TUT4: variants seen among roughly 807,000 people sequenced by gnomAD.
TUT4 encodes terminal uridylyl transferase 4, also known as terminal uridylyltransferase 4.
Under a neutral mutation model 192.2 loss-of-function variants are expected in TUT4, and 36 were observed. The observed-to-expected ratio is 0.19, with a 90% CI of 0.14 to 0.25. The LOEUF (loss-of-function observed/expected upper bound fraction) is 0.25, where lower values mean the gene tolerates loss of function less well. TUT4 is among the 10% of genes least tolerant of loss of function. TUT4 has a pLI of 1.00. For missense variants in TUT4, 1,493 were observed against 1,957.2 expected (o/e 0.76, Z 4.47); for synonymous variants, 618 against 666.0 (o/e 0.93, Z 1.11).
chr1:52,544,494 G>T (rs776261727), intron 1 of TUT4, among the ~76,000 whole-genome samples: 18 of 152,126 alleles, frequency 1.2e-4, no homozygotes, highest in Admixed American at 9.8e-4. Context: ...ATCTGCAAAA[G>T]ATTGAATTTT....
intron 12 of TUT4, 59 bp from the exon 13 acceptor site, chr1:52,475,594 C>T: frequency 7.0e-7 from 1 of 1,432,444 alleles, no homozygotes; most frequent in Non-Finnish European, 9.4e-7. Context: ...CATTTCCAAG[C>T]TCATACAAGT....
chr1:52,460,724 T>C (rs1172962221), intron 19 of TUT4, among the ~76,000 whole-genome samples: 1 of 152,216 alleles, frequency 6.6e-6, no homozygotes, highest in Non-Finnish European at 1.5e-5. Context: ...AAATTCAATG[T>C]CATAACAAGT....
chr1:52,481,384 C>T, intron 11 of TUT4, 39 bp downstream of exon 11: 1 of 1,592,694 alleles, frequency 6.3e-7, no homozygotes. Context: ...ACAAATTCTA[C>T]AGATAGAAAA....
chr1:52,548,101 G>A (rs920886971), intron 1 of TUT4, among the ~76,000 whole-genome samples: 1 of 152,166 alleles, frequency 6.6e-6, no homozygotes, highest in Non-Finnish European at 1.5e-5. Flanking sequence ...CCAGACCAGA[G>A]AATAAGGGAA....
intron 9 of TUT4, among the ~76,000 whole-genome samples, chr1:52,488,536 A>G (rs977159569): frequency 3.3e-5 from 5 of 152,142 alleles, no homozygotes; most frequent in Admixed American, 2.6e-4. Flanking sequence ...GAGACTGGGG[A>G]AAAAAATATG....
intron 20 of TUT4, among the ~76,000 whole-genome samples, chr1:52,452,311 C>T (rs1659665782): frequency 6.6e-6 from 1 of 152,154 alleles, no homozygotes; most frequent in Admixed American, 6.5e-5. Context: ...TTATAATTGG[C>T]CTCCAAACCC....
intron 27 of TUT4, 170 bp from the exon 28 acceptor site, chr1:52,431,630 T>C (rs1652099392): frequency 2.1e-6 from 1 of 482,580 alleles, no homozygotes; most frequent in Non-Finnish European, 3.3e-6. Flanking sequence ...CAAGTAGGTA[T>C]TGCCTCACAA....
chr1:52,507,642 T>C (rs1254668582), intron 4 of TUT4, among the ~76,000 whole-genome samples: 9 of 152,148 alleles, frequency 5.9e-5, no homozygotes, highest in Admixed American at 5.9e-4. Flanking sequence ...AAATCCAAAA[T>C]GTGAAATGCT....
chr1:52,518,413 A>G lies in TUT4; in HGVS notation c.719-2359T>C, dbSNP rs1165833798. ...GAGGGCTCTCTCCTGGGTTGCAAAC[A>G]GCCACCTTCTTGCTGTGTGTTCACA... On this transcript the variant is annotated intron_variant, in intron 2 of 29. Transcript: ENST00000257177. 2.6e-5 allele frequency among the ~76,000 whole-genome samples: 4 copies of G among 152,246 alleles called. No individual in the cohort carries two copies. In the East Asian group the frequency reaches 7.7e-4, roughly 29 times the overall value.
At chr1:52,488,881 A>G (rs1169785116) in intron 9 of TUT4, 28 bp downstream of exon 9, 4 of 1,584,122 alleles carry the variant, frequency 2.5e-6, no homozygotes, top group Non-Finnish European at 3.4e-6. Flanking sequence ...AAAAATATAA[A>G]TAAGTAGTTT....
At chr1:52,463,211 T>G in intron 16 of TUT4, 2 of 985,084 alleles carry the variant, frequency 2.0e-6, no homozygotes, top group South Asian at 4.7e-5. Flanking sequence ...TAATAAATTT[T>G]ACATAGAAGA....
chr1:52,437,148 G>A (rs892581171), intron 25 of TUT4, 170 bp from the exon 26 acceptor site: 14 of 798,434 alleles, frequency 1.8e-5, no homozygotes, highest in African/African-American at 1.6e-4. Context: ...GCAGGAACTC[G>A]GTTTTCCAGT....
intron 6 of TUT4, 126 bp from the exon 7 acceptor site, chr1:52,493,788 G>A: frequency 3.0e-6 from 2 of 656,256 alleles, no homozygotes. Flanking sequence ...TTTAAATAGT[G>A]AAAACAGAAT....
intron 24 of TUT4, among the ~76,000 whole-genome samples, chr1:52,445,029 G>GTATATA (rs61668654): frequency 2.7e-5 from 4 of 147,146 alleles, no homozygotes; most frequent in Admixed American, 2.0e-4. Context: ...GTATATATGT[G>GTATATA]TATATATATA....
chr1:52,485,505 T>C (rs1477438180), intron 9 of TUT4, among the ~76,000 whole-genome samples: 2 of 152,204 alleles, frequency 1.3e-5, no homozygotes, highest in Non-Finnish European at 2.9e-5. Flanking sequence ...ACATCAATGG[T>C]GAACTTCTCT....
At chr1:52,462,242 G>C (rs1662799134) in intron 16 of TUT4, 1 of 147,172 alleles carries the variant, frequency 6.8e-6, no homozygotes, top group Non-Finnish European at 1.5e-5. Context: ...CCGGAGTGCA[G>C]TGGTGCTATC....
chr1:52,487,293 A>C (rs1036740850), intron 9 of TUT4, among the ~76,000 whole-genome samples: 5 of 151,942 alleles, frequency 3.3e-5, no homozygotes, highest in African/African-American at 1.2e-4. Context: ...AAAAATAAAA[A>C]ATAAAAAATT....
chr1:52,436,619 T>G lies in TUT4; in HGVS notation c.4162+136A>C. ...AGTAAAAGCCTCATTGTCTAAATTT[T>G]ATCTCTTTAAGAAATTGTAAGGTCC... On this transcript the variant is annotated intron_variant, in intron 26 of 29. Coordinates refer to ENST00000257177, the MANE Select transcript of TUT4 (RefSeq NM_001009881.3). 2.2e-6 allele frequency: 3 copies of G among 1,372,602 alleles called. No individual in the cohort carries two copies. The South Asian group carries it at 4.3e-5, about 20-fold the overall frequency. The allele number at this position is 1,372,602 out of a possible 1,614,324, so 85.0% of individuals were successfully genotyped here. A position where few individuals can be genotyped will look rare whatever the true frequency, so the allele number is the denominator to read the frequency against.
At chr1:52,536,921 T>C (rs532065693) in intron 1 of TUT4, among the ~76,000 whole-genome samples, 3 of 152,134 alleles carry the variant, frequency 2.0e-5, no homozygotes, top group African/African-American at 4.8e-5. Context: ...ATCCCAACAC[T>C]TTGGGAGGCC....
Sources: allele counts gnomAD v4.1 joint callset (sites outside exome capture counted in the v4.1 genomes callset), GRCh38; gene constraint gnomAD v4.1.1; transcripts MANE v1.5; gene names NCBI Gene and HGNC (gene_info 2026-07-23, HGNC 2026-07-21).